The following GNAL variants were observed in gnomAD, a reference collection of about 807,000 sequenced individuals.
GNAL encodes the protein G protein subunit alpha L.
Under a neutral mutation model 55.1 loss-of-function variants are expected in GNAL, and 18 were observed. The observed-to-expected ratio is 0.33, with a 90% CI of 0.23 to 0.48. The LOEUF (loss-of-function observed/expected upper bound fraction) is 0.48, where lower values mean the gene tolerates loss of function less well. Among genes scored for constraint, GNAL ranks in the 20% least tolerant of loss-of-function variants. The probability of loss-of-function intolerance (pLI) is 0.99; values close to 1 mark genes in which losing one functional copy is unlikely to be tolerated. For synonymous variants in GNAL, 253 were observed against 237.0 expected, an observed-to-expected ratio of 1.07 and a Z score of -0.62; for missense variants, 412 against 614.1, an observed-to-expected ratio of 0.67 and a Z score of 3.48.
intron 5 of GNAL, chr18:11,833,456 C>G (rs1263071917): frequency 2.0e-5 from 3 of 152,214 alleles, no homozygotes; most frequent in Non-Finnish European, 2.9e-5. Flanking sequence ...CCAGATGTCT[C>G]TGTGTGTGGC....
chr18:11,845,960 G>A (rs1282500654), intron 5 of GNAL, among the ~76,000 whole-genome samples: 1 of 152,108 alleles, frequency 6.6e-6, no homozygotes, highest in African/African-American at 2.4e-5. Flanking sequence ...AGTAAGTCTT[G>A]TTTCAGGGAT....
At chr18:11,880,670 C>CAGAT (rs1487767938) in intron 11 of GNAL, among the ~76,000 whole-genome samples, 17 of 152,202 alleles carry the variant, frequency 1.1e-4, no homozygotes, top group African/African-American at 3.9e-4. Flanking sequence ...ATTGGCAGGG[C>CAGAT]AGATAGTGGA....
intron 4 of GNAL, among the ~76,000 whole-genome samples, chr18:11,807,170 A>G (rs895996232): frequency 3.3e-5 from 5 of 151,746 alleles, no homozygotes; most frequent in African/African-American, 1.2e-4. Flanking sequence ...AAAAAAAAAA[A>G]GAAAGAAAGA....
intron 2 of GNAL, 89 bp from the exon 3 acceptor site, chr18:11,753,539 G>A (rs1199893748): frequency 1.2e-6 from 1 of 842,556 alleles, no homozygotes; most frequent in African/African-American, 1.7e-5. Context: ...CTAGGTCAGT[G>A]CTGTAGCTGG....
intron 1 of GNAL, among the ~76,000 whole-genome samples, chr18:11,730,073 GC>G (rs1272589699): frequency 6.7e-6 from 1 of 149,344 alleles, no homozygotes; most frequent in Non-Finnish European, 1.5e-5. Flanking sequence ...TCGCTCTTTC[GC>G]CCAGGCCGAA....
At chr18:11,842,961 T>G (rs1047609647) in intron 5 of GNAL, among the ~76,000 whole-genome samples, 1 of 152,264 alleles carries the variant, frequency 6.6e-6, no homozygotes, top group African/African-American at 2.4e-5. Flanking sequence ...CAGAAGAAAC[T>G]GAATGCTATT....
intron 5 of GNAL, chr18:11,857,859 C>A: frequency 3.4e-6 from 1 of 296,084 alleles, no homozygotes; most frequent in Non-Finnish European, 5.0e-6. Flanking sequence ...TCCTGAGTAT[C>A]TGGGATCCAT....
chr18:11,726,934 C>CT (rs1437893851), intron 1 of GNAL, among the ~76,000 whole-genome samples: 98 of 147,100 alleles, frequency 6.7e-4, no homozygotes, highest in Non-Finnish European at 6.3e-4. Flanking sequence ...GAAAAGTAGT[C>CT]TTTTTTTTTT....
chr18:11,785,805 G>A (rs1184773404), intron 4 of GNAL, among the ~76,000 whole-genome samples: 1 of 152,160 alleles, frequency 6.6e-6, no homozygotes, highest in Non-Finnish European at 1.5e-5. Flanking sequence ...CCATGAATGG[G>A]TTAAGCAGCA....
At chr18:11,855,926 C>T (rs1342747043) in intron 5 of GNAL, among the ~76,000 whole-genome samples, 7 of 150,834 alleles carry the variant, frequency 4.6e-5, no homozygotes, top group Non-Finnish European at 8.8e-5. Context: ...GAGCCGAGAT[C>T]GCGCCATTGC....
At chr18:11,866,745 G>C (rs1165400944) in intron 7 of GNAL, among the ~76,000 whole-genome samples, 1 of 150,286 alleles carries the variant, frequency 6.7e-6, no homozygotes, top group Non-Finnish European at 1.5e-5. Context: ...TGGGAGGGAA[G>C]ACACAGTGTC....
intron 4 of GNAL, among the ~76,000 whole-genome samples, chr18:11,774,120 C>T (rs2033712210): frequency 6.6e-6 from 1 of 152,194 alleles, no homozygotes; most frequent in Admixed American, 6.5e-5. Flanking sequence ...TCATCCTGGT[C>T]ACCCTTCACC....
rs1441671290 is a variant in GNAL at position 11,769,057 on chromosome 18, A to C, written c.624+15112A>C. On this transcript the variant is annotated intron_variant, in intron 4 of 11. Transcript: ENST00000334049. ...ATATATAATATATAATATATATAAT[A>C]TATATTATAATATAGATTATATAAA... Among the ~76,000 whole-genome samples the C allele has an allele frequency of 6.6e-5, 6 of 90,348 alleles. 1 individual carries two copies. The highest frequency in any genetic ancestry group is 2.6e-4 in the African/African-American group (3 of 11,502). The allele number at this position is 90,348 out of a possible 152,430, so 59.3% of individuals were successfully genotyped here. A position where few individuals can be genotyped will look rare whatever the true frequency, so the allele number is the denominator to read the frequency against.
intron 5 of GNAL, 118 bp from the exon 6 acceptor site, chr18:11,862,277 A>C (rs557340350): frequency 2.9e-6 from 2 of 678,690 alleles, no homozygotes; most frequent in Admixed American, 4.6e-5. Context: ...AACTCACTTC[A>C]GCTTCTTGGC....
chr18:11,866,122 G>T (rs1460160589), intron 7 of GNAL, among the ~76,000 whole-genome samples: 1 of 150,134 alleles, frequency 6.7e-6, no homozygotes, highest in African/African-American at 2.5e-5. Context: ...TATGGAGTTG[G>T]CGTGACTTGT....
chr18:11,790,321 C>T lies in GNAL; in HGVS notation c.625-34597C>T, dbSNP rs376237896. On this transcript the variant is annotated intron_variant, in intron 4 of 11. Transcript: ENST00000334049. ...AGCTCCTCATGATTCCCCCAGCTTCCGACACTCTGAGGAAGAAATTCTCCA... is the reference window on the plus strand; with the variant it reads ...AGCTCCTCATGATTCCCCCAGCTTCTGACACTCTGAGGAAGAAATTCTCCA... Among the ~76,000 whole-genome samples the T allele has an allele frequency of 3.3e-5, 5 of 151,772 alleles. No homozygotes were observed. In the East Asian group the frequency reaches 5.8e-4, roughly 18 times the overall value.
chr18:11,846,562 G>C (rs967684659), intron 5 of GNAL, among the ~76,000 whole-genome samples: 1 of 151,258 alleles, frequency 6.6e-6, no homozygotes, highest in African/African-American at 2.4e-5. Flanking sequence ...CGAACTCCTG[G>C]ACACAGAGAT....
intron 4 of GNAL, among the ~76,000 whole-genome samples, chr18:11,817,735 CGTG>C (rs1299449842): frequency 3.0e-4 from 45 of 151,258 alleles, no homozygotes; most frequent in African/African-American, 7.3e-4. Flanking sequence ...ATTGCAGGTG[CGTG>C]CCACAACACC....
intron 1 of GNAL, among the ~76,000 whole-genome samples, chr18:11,740,977 T>C (rs1186666609): frequency 6.6e-6 from 1 of 152,258 alleles, no homozygotes; most frequent in Non-Finnish European, 1.5e-5. Context: ...GTTTATGTTA[T>C]GTTTAATTGC....
Sources: allele counts gnomAD v4.1 joint callset (sites outside exome capture counted in the v4.1 genomes callset), GRCh38; gene constraint gnomAD v4.1.1; transcripts MANE v1.5; gene names NCBI Gene and HGNC (gene_info 2026-07-23, HGNC 2026-07-21).